The following MAML2 variants were observed in gnomAD, a reference collection of about 807,000 sequenced individuals.
MAML2 encodes the protein mastermind like transcriptional coactivator 2.
Under a neutral mutation model 96.1 loss-of-function variants are expected in MAML2, and 22 were observed. The ratio of observed to expected loss-of-function variants is 0.23; its 90% CI spans 0.16 to 0.33. MAML2 has a LOEUF of 0.33. Ranked by LOEUF, MAML2 falls within the 10% of genes least tolerant of loss-of-function variation. The probability of loss-of-function intolerance (pLI) is 1.00; values close to 1 mark genes in which losing one functional copy is unlikely to be tolerated. For missense variants in MAML2, 1,367 were observed against 1,392.4 expected, an observed-to-expected ratio of 0.98 and a Z score of 0.29; for synonymous variants, 561 against 521.3, an observed-to-expected ratio of 1.08 and a Z score of -1.04.
At position 95,985,631 on chromosome 11, in the gene MAML2, A is replaced by G. The variant is rs1857813536; in HGVS notation, c.2355T>C (p.Ala785=). 12 of 1,604,184 alleles carry G rather than the reference A, an allele frequency of 7.5e-6. No homozygotes were observed. The highest frequency in any genetic ancestry group is 2.2e-5 in the East Asian group (1 of 44,728). ...AATGTCGGTTTATCTGATCTTGTGG[A>G]GCAATTTTCTCCTTGAGAAATGATA... The part of the protein sequence containing the change: ...QQMLADAEKI[A]PQDQINRHLS... Residue 785 remains alanine (A), a synonymous_variant, in exon 4 of 5, where the codon GCT becomes GCC. Transcript: ENST00000524717.
At chr11:96,221,748 C>T (rs1454757521) in intron 1 of MAML2, among the ~76,000 whole-genome samples, 1 of 142,404 alleles carries the variant, frequency 7.0e-6, no homozygotes, top group Non-Finnish European at 1.5e-5. Flanking sequence ...TTGAAAATTT[C>T]CAAGCTCTCA....
chr11:96,032,936 T>G (rs11603837), intron 2 of MAML2, among the ~76,000 whole-genome samples: 2,099 of 152,352 alleles, frequency 0.014, 29 homozygotes, highest in Non-Finnish European at 0.022. Context: ...ATGAAAATTC[T>G]ATTAATAGAT....
At chr11:95,997,154 C>T (rs1858004385) in intron 2 of MAML2, among the ~76,000 whole-genome samples, 2 of 152,084 alleles carry the variant, frequency 1.3e-5, no homozygotes, top group Admixed American at 1.3e-4. Context: ...TGTTCTTTTT[C>T]TGTTTTTACC....
chr11:96,072,835 A>G (rs550603140), intron 2 of MAML2, among the ~76,000 whole-genome samples: 1 of 152,304 alleles, frequency 6.6e-6, no homozygotes, highest in East Asian at 1.9e-4. Context: ...AAGAAGGCAA[A>G]TCCGCAAGTC....
chr11:96,279,600 T>G (rs1863037756), intron 1 of MAML2, among the ~76,000 whole-genome samples: 1 of 152,212 alleles, frequency 6.6e-6, no homozygotes, highest in Admixed American at 6.5e-5. Context: ...AATCTAGGTC[T>G]CTCCTGTCCT....
intron 1 of MAML2, among the ~76,000 whole-genome samples, chr11:96,100,776 G>T (rs11827493): frequency 0.36 from 51,897 of 142,966 alleles, 10,314 homozygotes; most frequent in East Asian, 0.76. Flanking sequence ...AACAGGATCT[G>T]GTTCTGTCAT....
At chr11:96,250,068 CA>C in intron 1 of MAML2, among the ~76,000 whole-genome samples, 1 of 152,214 alleles carries the variant, frequency 6.6e-6, no homozygotes, top group African/African-American at 2.4e-5. Context: ...GTTATCCAGA[CA>C]GTTTCACGGC....
chr11:96,114,024 G>GAA (rs56313598), intron 1 of MAML2, among the ~76,000 whole-genome samples: 53 of 150,714 alleles, frequency 3.5e-4, no homozygotes, highest in East Asian at 7.7e-4. Flanking sequence ...AGAATTTGAA[G>GAA]AAAAAAAAAA....
chr11:96,238,092 A>G (rs879590598), intron 1 of MAML2, among the ~76,000 whole-genome samples: 1 of 152,228 alleles, frequency 6.6e-6, no homozygotes, highest in Non-Finnish European at 1.5e-5. Flanking sequence ...TGTTCTAAAG[A>G]GAATTAGACC....
chr11:96,017,334 A>C (rs1288561138), intron 2 of MAML2, among the ~76,000 whole-genome samples: 1 of 152,152 alleles, frequency 6.6e-6, no homozygotes, highest in African/African-American at 2.4e-5. Flanking sequence ...AAACCAAAGC[A>C]CACTGAGAGA....
At chr11:96,218,863 C>A (rs1157333641) in intron 1 of MAML2, among the ~76,000 whole-genome samples, 2 of 152,144 alleles carry the variant, frequency 1.3e-5, no homozygotes, top group South Asian at 2.1e-4. Context: ...AAAGATAATT[C>A]ATTGTTTATC....
At chr11:96,142,974 G>A (rs1402310823) in intron 1 of MAML2, among the ~76,000 whole-genome samples, 1 of 152,152 alleles carries the variant, frequency 6.6e-6, no homozygotes, top group Non-Finnish European at 1.5e-5. Context: ...AAATAACGTA[G>A]GACCTTGTCT....
intron 1 of MAML2, among the ~76,000 whole-genome samples, chr11:96,285,698 A>T (rs484953): frequency 1.3e-5 from 2 of 152,054 alleles, no homozygotes; most frequent in East Asian, 1.9e-4. Context: ...GAAGACATTC[A>T]GGGGGCCAAA....
intron 1 of MAML2, among the ~76,000 whole-genome samples, chr11:96,337,127 A>C (rs530884407): frequency 1.3e-5 from 2 of 152,316 alleles, no homozygotes; most frequent in African/African-American, 4.8e-5. Flanking sequence ...GGAAGGTCCT[A>C]GATAGATAAG....
At chr11:96,180,121 G>A (rs766345113) in intron 1 of MAML2, among the ~76,000 whole-genome samples, 1 of 152,146 alleles carries the variant, frequency 6.6e-6, no homozygotes, top group Non-Finnish European at 1.5e-5. Context: ...GAAGGTCATA[G>A]CTGAAGACCT....
At chr11:96,065,611 T>C (rs1565203829) in intron 2 of MAML2, among the ~76,000 whole-genome samples, 2 of 152,264 alleles carry the variant, frequency 1.3e-5, no homozygotes, top group Non-Finnish European at 2.9e-5. Context: ...TTGCCATTTA[T>C]TGTGACCTTT....
At chr11:96,249,010 G>C (rs984607063) in intron 1 of MAML2, among the ~76,000 whole-genome samples, 2 of 152,218 alleles carry the variant, frequency 1.3e-5, no homozygotes, top group African/African-American at 4.8e-5. Flanking sequence ...TGTTGTCACT[G>C]CTTTTCAGAG....
intron 2 of MAML2, among the ~76,000 whole-genome samples, chr11:96,033,250 A>G (rs1161850278): frequency 6.6e-6 from 1 of 152,046 alleles, no homozygotes; most frequent in African/African-American, 2.4e-5. Context: ...TGGTTTCCAA[A>G]CCCTTACCTG....
intron 3 of MAML2, 121 bp downstream of exon 3, chr11:95,991,399 T>C (rs623543): frequency 0.42 from 387,028 of 910,886 alleles, 86,623 homozygotes; most frequent in African/African-American, 0.77. Flanking sequence ...TATCCTCTCT[T>C]ACAGTCAGCA....
Sources: allele counts gnomAD v4.1 joint callset (sites outside exome capture counted in the v4.1 genomes callset), GRCh38; gene constraint gnomAD v4.1.1; transcripts MANE v1.5; gene names NCBI Gene and HGNC (gene_info 2026-07-23, HGNC 2026-07-21).